The following GRIK5 variants were observed in gnomAD, a reference collection of about 807,000 sequenced individuals.
The protein encoded by GRIK5 is glutamate receptor ionotropic, kainate 5.
GRIK5 carries 43 observed loss-of-function variants against 97.4 expected under a neutral mutation model. That is an observed-to-expected ratio of 0.44 (90% CI 0.35 to 0.57). GRIK5 has a LOEUF of 0.57. Among genes scored for constraint, GRIK5 ranks in the 20% least tolerant of loss-of-function variants. The pLI is 0.01. For missense variants in GRIK5, 1,015 were observed against 1,382.0 expected (o/e 0.73, Z 4.21); for synonymous variants, 580 against 583.5 (o/e 0.99, Z 0.09).
intron 12 of GRIK5, among the ~76,000 whole-genome samples, chr19:42,039,976 T>G (rs1414459800): frequency 6.6e-6 from 1 of 150,634 alleles, no homozygotes; most frequent in African/African-American, 2.4e-5. Context: ...AGAGACCCAG[T>G]CTCAAAGGAA....
At chr19:42,059,325 G>C (rs2076228577) in intron 6 of GRIK5, 24 bp downstream of exon 6, 1 of 1,588,692 alleles carries the variant, frequency 6.3e-7, no homozygotes, top group Admixed American at 1.7e-5. Flanking sequence ...CAGTCCTTTG[G>C]GAAATCAGAG....
rs944713406 is a variant in GRIK5, at chr19:42,003,674, A to T, written c.2273T>A (p.Phe758Tyr). 100 of 1,611,240 alleles carry T rather than the reference A, an allele frequency of 6.2e-5. No homozygotes were observed. Among genetic ancestry groups the T allele is most frequent in the Non-Finnish European group, 8.1e-5 (96 of 1,178,610 alleles). ...YGIGMPLGSP[F>Y]RDEITLAILQ... Reference sequence around the variant, plus strand: ...GATGGCCAGTGTGATCTCATCCCGGAACGGGGAGCCTGGGCAGGCACACGA... The same window carrying T: ...GATGGCCAGTGTGATCTCATCCCGGTACGGGGAGCCTGGGCAGGCACACGA... Residue 758 changes from phenylalanine (F) to tyrosine (Y), a missense_variant, in exon 18 of 20, where the codon TTC becomes TAC. Phe to Tyr is a conservative substitution (Grantham distance 22, BLOSUM62 3). This residue lies in a region of GRIK5 where 229 missense variants were observed against 341.0 expected (regional missense o/e 0.67). Transcript: ENST00000593562. The surrounding 1 kb of genome is among the most constrained non-coding windows in gnomAD (Gnocchi z 4.2).
chr19:42,051,991 T>G (rs1258112438), intron 11 of GRIK5, among the ~76,000 whole-genome samples: 1 of 152,196 alleles, frequency 6.6e-6, no homozygotes, highest in Non-Finnish European at 1.5e-5. Flanking sequence ...GGAATGACTG[T>G]GTCCAGGTCT....
At chr19:42,023,867 A>G (rs2075734534) in intron 12 of GRIK5, among the ~76,000 whole-genome samples, 1 of 152,122 alleles carries the variant, frequency 6.6e-6, no homozygotes, top group Non-Finnish European at 1.5e-5. Flanking sequence ...TTCCTCACAT[A>G]TAAGCCAAGA....
At chr19:42,009,020 A>C (rs2075527207) in intron 15 of GRIK5, among the ~76,000 whole-genome samples, 1 of 151,988 alleles carries the variant, frequency 6.6e-6, no homozygotes, top group African/African-American at 2.4e-5. Context: ...TGAGGCTGGG[A>C]CTTTGAGATA....
chr19:42,050,408 C>T (rs531068801), intron 11 of GRIK5, among the ~76,000 whole-genome samples: 5 of 151,826 alleles, frequency 3.3e-5, no homozygotes, highest in Non-Finnish European at 5.9e-5. Context: ...GCCTGTAATC[C>T]CAGCACTTTG....
rs1416909098 is a variant in GRIK5, at chr19:42,022,166, G to A, written c.1587+75C>T. Reference sequence around the variant, plus strand: ...TGACCGGCCCATCTGAGGTCCTGGGGCTGTCTGGCTCCCACTCGCAGGCCC... The same window carrying A: ...TGACCGGCCCATCTGAGGTCCTGGGACTGTCTGGCTCCCACTCGCAGGCCC... On this transcript the variant is annotated intron_variant, in intron 13 of 19. Transcript: ENST00000593562. This position sits in a 1 kb window ranked among gnomAD's most constrained non-coding sequence, Gnocchi z 4.2. 2.1e-6 allele frequency: 3 copies of A among 1,413,464 alleles called. No homozygotes were observed. Among genetic ancestry groups the A allele is most frequent in the African/African-American group, 2.8e-5 (2 of 70,930 alleles). The allele number at this position is 1,413,464 out of a possible 1,614,324, so 87.6% of individuals were successfully genotyped here.
intron 5 of GRIK5, among the ~76,000 whole-genome samples, chr19:42,060,692 T>C (rs1384073752): frequency 6.6e-6 from 1 of 152,088 alleles, no homozygotes; most frequent in Non-Finnish European, 1.5e-5. Flanking sequence ...AGTCTTGCTA[T>C]TGTCCTGCGG....
rs543734496 is a variant in GRIK5, at chr19:42,047,252, A to G, written c.1270-4497T>C. ...GATATTTAAGTGTGTATGAACATGC[A>G]TGGTTGGCTGGGCTTGGTGGTTCAC... On this transcript the variant is annotated intron_variant, in intron 11 of 19. Coordinates refer to ENST00000593562, the MANE Select transcript of GRIK5 (RefSeq NM_002088.5). Among the ~76,000 whole-genome samples the G allele has an allele frequency of 1.2e-3, 178 of 151,236 alleles. 1 individual carries two copies. The highest frequency in any genetic ancestry group is 2.2e-4 in the Non-Finnish European group (15 of 67,854).
chr19:42,053,623 G>A lies in GRIK5; in HGVS notation c.1248C>T (p.Thr416=), dbSNP rs371342969. 3.7e-6 allele frequency: 6 copies of A among 1,610,450 alleles called. No homozygotes were observed. In the African/African-American group the frequency reaches 5.3e-5, roughly 14 times the overall value. The change falls in exon 11 of 20, where the codon ACC becomes ACT. Residue 416 remains threonine (T), a synonymous_variant. Coordinates refer to ENST00000593562, the MANE Select transcript of GRIK5 (RefSeq NM_002088.5). The stretch of plus-strand genomic sequence containing the variant: ...TCACCAGGATGGTTGTGACCACCAG[G>A]GTCTTGTTGGCCAGTGTCTGCGACA... ...INLSQTLANK[T]LVVTTILENP...
chr19:42,068,836 G>A (rs896826973), intron 1 of GRIK5: 11 of 665,572 alleles, frequency 1.7e-5, no homozygotes, highest in African/African-American at 7.2e-5. Flanking sequence ...GAGACTGGAC[G>A]GGGTGGGGAC....
chr19:42,002,309 G>A lies in GRIK5; in HGVS notation c.2514+1023C>T, dbSNP rs1468082267. On this transcript the variant is annotated intron_variant, in intron 19 of 19. Transcript: ENST00000593562. This position sits in a 1 kb window ranked among gnomAD's most constrained non-coding sequence, Gnocchi z 5.2. The stretch of plus-strand genomic sequence containing the variant: ...TGGCTGGGAGGGAAAGTGAGGTCAG[G>A]AGAGGGTTTAAGACTGGAGAAATGA... 9.8e-6 allele frequency: 7 copies of A among 717,686 alleles called. No homozygotes were observed. In the East Asian group the frequency reaches 1.3e-4, roughly 14 times the overall value. 44.5% of individuals were successfully genotyped at this position (717,686 alleles called of 1,614,324 possible). A position where few individuals can be genotyped will look rare whatever the true frequency, so the allele number is the denominator to read the frequency against.
Position 42,018,204 on chromosome 19 carries a change from G to C in GRIK5, c.1871+3097C>G, listed in dbSNP as rs372467836. Among the ~76,000 whole-genome samples, 8 of 145,060 alleles carry C rather than the reference G, an allele frequency of 5.5e-5. No homozygotes were observed. In the South Asian group the frequency reaches 8.9e-4, roughly 16 times the overall value. ...CCAGGCATGGTGTTGGGCGCCTGTAGTCCCAGCTACTCGGGAAGCTGAGGC... is the reference window on the plus strand; with the variant it reads ...CCAGGCATGGTGTTGGGCGCCTGTACTCCCAGCTACTCGGGAAGCTGAGGC... On this transcript the variant is annotated intron_variant, in intron 15 of 19. Transcript: ENST00000593562.
chr19:42,012,603 C>T (rs2075577302), intron 15 of GRIK5, among the ~76,000 whole-genome samples: 1 of 152,074 alleles, frequency 6.6e-6, no homozygotes, highest in South Asian at 2.1e-4. Context: ...AGGCTGGGCG[C>T]AGTGGTTCAC....
At chr19:42,025,865 C>T (rs1599777933) in intron 12 of GRIK5, among the ~76,000 whole-genome samples, 1 of 152,196 alleles carries the variant, frequency 6.6e-6, no homozygotes, top group East Asian at 1.9e-4. Flanking sequence ...GTTAACCCAG[C>T]ACTTTGAGAG....
Position 42,002,515 on chromosome 19 carries a change from C to A in GRIK5, c.2514+817G>T. 1.4e-6 allele frequency: 1 copy of A among 707,928 alleles called. No homozygotes were observed. Among genetic ancestry groups the A allele is most frequent in the Non-Finnish European group, 2.6e-6 (1 of 379,110 alleles). The allele number at this position is 707,928 out of a possible 1,614,324, so 43.9% of individuals were successfully genotyped here. On this transcript the variant is annotated intron_variant, in intron 19 of 19. Transcript: ENST00000593562. The surrounding 1 kb of genome is among the most constrained non-coding windows in gnomAD (Gnocchi z 5.2). The stretch of plus-strand genomic sequence containing the variant: ...AGGAGTCCTTGGGCCAAGTGCAGAA[C>A]ACTGGCAGGCAGCTGGATGCAGAGC...
chr19:42,045,285 G>A (rs780008707), intron 11 of GRIK5, among the ~76,000 whole-genome samples: 13 of 152,190 alleles, frequency 8.5e-5, no homozygotes, highest in Non-Finnish European at 1.3e-4. Context: ...AAGTGATGCC[G>A]TGTGAATTCC....
intron 15 of GRIK5, among the ~76,000 whole-genome samples, chr19:42,013,381 AC>A (rs2075586876): frequency 6.7e-6 from 1 of 150,362 alleles, no homozygotes; most frequent in Non-Finnish European, 1.5e-5. Flanking sequence ...ATATTTAAAA[AC>A]ATCTTTTTTT....
chr19:42,007,409 A>C (rs530073243), intron 15 of GRIK5, among the ~76,000 whole-genome samples: 16 of 152,272 alleles, frequency 1.1e-4, no homozygotes, highest in African/African-American at 3.8e-4. Context: ...AACTATTTAA[A>C]ACATAGGACA....
Sources: gnomAD v4.1 joint callset for allele counts (sites outside exome capture counted in the v4.1 genomes callset) on GRCh38, gnomAD v4.1.1 for gene constraint, gnomAD v4.1.1 regional missense constraint, Gnocchi (gnomAD v3.1) non-coding constraint, MANE v1.5 for transcripts, NCBI Gene and HGNC (gene_info 2026-07-23, HGNC 2026-07-21) for gene names.